UBE4B: variants seen among roughly 807,000 people sequenced by gnomAD.
The protein encoded by UBE4B is ubiquitination factor E4B.
Under a neutral mutation model 148.1 loss-of-function variants are expected in UBE4B, and 27 were observed. That is an observed-to-expected ratio of 0.18 (90% CI 0.13 to 0.25). The LOEUF is 0.25. Ranked by LOEUF, UBE4B falls within the 10% of genes least tolerant of loss-of-function variation. The pLI is 1.00. For synonymous variants in UBE4B, 596 were observed against 619.3 expected (o/e 0.96, Z 0.56); for missense variants, 1,170 against 1,662.4 (o/e 0.70, Z 5.15).
At chr1:10,167,076 G>A (rs1332759126) in intron 23 of UBE4B, among the ~76,000 whole-genome samples, 1 of 151,962 alleles carries the variant, frequency 6.6e-6, no homozygotes, top group Admixed American at 6.6e-5. Context: ...AGGTTACAGT[G>A]AGCCGAGATT....
At chr1:10,129,471 T>C (rs768219329) in intron 12 of UBE4B, 23 bp downstream of exon 12, 1 of 1,602,512 alleles carries the variant, frequency 6.2e-7, no homozygotes, top group Non-Finnish European at 8.5e-7. Flanking sequence ...CTGATGGGCT[T>C]GCACATTTTC....
chr1:10,154,680 A>T (rs1299605713), intron 21 of UBE4B, among the ~76,000 whole-genome samples: 1 of 152,156 alleles, frequency 6.6e-6, no homozygotes, highest in East Asian at 1.9e-4. Context: ...CTCTACTAAA[A>T]ATACAAAAAA....
chr1:10,179,899 A>C lies in UBE4B; in HGVS notation c.3852A>C (p.Pro1284=). 6.2e-7 allele frequency: 1 copy of C among 1,613,998 alleles called. No homozygotes were observed. The highest frequency in any genetic ancestry group is 8.5e-7 in the Non-Finnish European group (1 of 1,180,028). The change falls in exon 28 of 28, where the codon CCA becomes CCC. Residue 1284 remains proline, a synonymous_variant. Coordinates refer to ENST00000343090, the MANE Select transcript of UBE4B (RefSeq NM_001105562.3). ...TLTESMLEPV[P]ELKEQIQAWM... is the part of the protein sequence containing the mutation. ...CTCCTTTTTTTCTTTTCTCAGTGCC[A>C]GAACTGAAAGAGCAGATTCAGGCGT...
chr1:10,043,336 T>G (rs546940963), intron 1 of UBE4B, among the ~76,000 whole-genome samples: 7 of 151,400 alleles, frequency 4.6e-5, no homozygotes, highest in African/African-American at 1.7e-4. Context: ...TACTGAGATC[T>G]CAACTGTTTT....
intron 4 of UBE4B, among the ~76,000 whole-genome samples, chr1:10,101,726 T>C (rs546692120): frequency 6.6e-6 from 1 of 152,182 alleles, no homozygotes; most frequent in Non-Finnish European, 1.5e-5. Context: ...GCCAGGATGG[T>C]CTTGATCTAT....
At chr1:10,144,845 A>T in intron 17 of UBE4B, 95 bp from the exon 18 acceptor site, 1 of 804,784 alleles carries the variant, frequency 1.2e-6, no homozygotes, top group Non-Finnish European at 2.0e-6. Context: ...GCGAAAACAA[A>T]CAACTGCGTG....
At chr1:10,109,320 A>T (rs1426495803) in intron 7 of UBE4B, among the ~76,000 whole-genome samples, 1 of 151,986 alleles carries the variant, frequency 6.6e-6, no homozygotes, top group Non-Finnish European at 1.5e-5. Context: ...CCACTTTTCC[A>T]TTTCTGCCCA....
chr1:10,034,817 A>T (rs755013295), intron 1 of UBE4B, among the ~76,000 whole-genome samples: 10 of 152,224 alleles, frequency 6.6e-5, no homozygotes, highest in Non-Finnish European at 1.5e-4. Context: ...AAGGAAGCAA[A>T]TGATTTTGTT....
intron 14 of UBE4B, among the ~76,000 whole-genome samples, chr1:10,132,084 T>A (rs1289402656): frequency 6.6e-6 from 1 of 152,050 alleles, no homozygotes; most frequent in South Asian, 2.1e-4. Flanking sequence ...GAGCTGAGAT[T>A]GCACCACTGC....
intron 9 of UBE4B, 108 bp from the exon 10 acceptor site, chr1:10,121,854 A>G: frequency 1.6e-6 from 1 of 631,908 alleles, no homozygotes; most frequent in South Asian, 2.4e-5. Flanking sequence ...AATATTTGGG[A>G]GATGTCAAGT....
At position 10,147,090 on chromosome 1, in the gene UBE4B, A is replaced by G. The variant is rs1356416013; in HGVS notation, c.2591A>G (p.Asp864Gly). 6.2e-7 allele frequency: 1 copy of G among 1,614,000 alleles called. No individual in the cohort carries two copies. Among genetic ancestry groups the G allele is most frequent in the Non-Finnish European group, 8.5e-7 (1 of 1,179,996 alleles). ...LLRILDPAYP[D>G]ITLPLNSDVP... is the part of the protein sequence containing the mutation. Reference sequence around the variant, plus strand: ...CGCATCCTGGACCCCGCATATCCCGAGTGAGTGTGCTTCTTCCTGTTTCCC... The same window carrying G: ...CGCATCCTGGACCCCGCATATCCCGGGTGAGTGTGCTTCTTCCTGTTTCCC... The change falls in exon 19 of 28, where the codon GAT (aspartate) becomes GGT (glycine). Residue 864 changes from aspartate to glycine, a missense_variant and splice_region_variant. Asp to Gly is a moderately conservative substitution (Grantham distance 94, BLOSUM62 -1). Transcript: ENST00000343090.
At chr1:10,169,361 C>T (rs1379173432) in intron 24 of UBE4B, among the ~76,000 whole-genome samples, 1 of 152,200 alleles carries the variant, frequency 6.6e-6, no homozygotes, top group Non-Finnish European at 1.5e-5. Flanking sequence ...ATGTGACTCT[C>T]TGTTATGTGA....
At chr1:10,160,219 AAAGT>A (rs2102007720) in intron 22 of UBE4B, among the ~76,000 whole-genome samples, 1 of 152,316 alleles carries the variant, frequency 6.6e-6, no homozygotes, top group Non-Finnish European at 1.5e-5. Flanking sequence ...TTCCAGTTTT[AAAGT>A]AAGTTAATAT....
At chr1:10,048,031 A>G (rs1643950175) in intron 1 of UBE4B, among the ~76,000 whole-genome samples, 1 of 152,102 alleles carries the variant, frequency 6.6e-6, no homozygotes, top group Admixed American at 6.6e-5. Flanking sequence ...AATTTTTATT[A>G]GAGACGAGGG....
At position 10,126,844 on chromosome 1, in the gene UBE4B, C is replaced by G; in HGVS notation, c.1605C>G (p.Ser535=). The stretch of plus-strand genomic sequence containing the variant: ...TGGCTCTTGCTGCCAAAGAGTGCTC[C>G]CTCGACAGTGACTACTTTAAATACC... The part of the protein sequence containing the change: ...QGLALAAKEC[S]LDSDYFKYPL... Residue 535 remains serine, a synonymous_variant, in exon 11 of 28, where the codon TCC becomes TCG. Transcript: ENST00000343090. 1.2e-6 allele frequency: 2 copies of G among 1,613,956 alleles called. No individual in the cohort carries two copies. Among genetic ancestry groups the G allele is most frequent in the Non-Finnish European group, 8.5e-7 (1 of 1,179,954 alleles).
At chr1:10,146,178 A>G (rs1383529103) in intron 18 of UBE4B, among the ~76,000 whole-genome samples, 1 of 152,176 alleles carries the variant, frequency 6.6e-6, no homozygotes, top group East Asian at 1.9e-4. Context: ...ATTGCCAGGC[A>G]TGGTGGCTCA....
chr1:10,179,075 G>A lies in UBE4B; in HGVS notation c.3700+257G>A. 4 of 466,312 alleles carry A rather than the reference G, an allele frequency of 8.6e-6. No individual in the cohort carries two copies. In the South Asian group the frequency reaches 1.8e-4, roughly 21 times the overall value. 28.9% of individuals were successfully genotyped at this position (466,312 alleles called of 1,614,324 possible). ...AAGGGCAGGGCTGCCTTTGCAAGTG[G>A]GGATTCACATTTTCAAAGAATTCCC... On this transcript the variant is annotated intron_variant, in intron 26 of 27. Transcript: ENST00000343090.
At chr1:10,115,106 G>A (rs1345849704) in intron 7 of UBE4B, among the ~76,000 whole-genome samples, 3 of 151,648 alleles carry the variant, frequency 2.0e-5, no homozygotes, top group East Asian at 1.9e-4. Context: ...TGGGCTGAAC[G>A]CCTTGAATTT....
At chr1:10,111,263 A>G (rs910885602) in intron 7 of UBE4B, among the ~76,000 whole-genome samples, 1 of 152,020 alleles carries the variant, frequency 6.6e-6, no homozygotes, top group African/African-American at 2.4e-5. Flanking sequence ...CCAAGCATAC[A>G]TGCACATACG....
Sources: allele counts gnomAD v4.1 joint callset (sites outside exome capture counted in the v4.1 genomes callset), GRCh38; gene constraint gnomAD v4.1.1; transcripts MANE v1.5; gene names NCBI Gene and HGNC (gene_info 2026-07-23, HGNC 2026-07-21).